The following EIF2B2 variants were observed in gnomAD, a reference collection of about 807,000 sequenced individuals.
The protein encoded by EIF2B2 is translation initiation factor eIF2B subunit beta.
A neutral mutation model predicts 34.7 loss-of-function variants in EIF2B2; 34 were observed. The observed-to-expected ratio is 0.98, with a 90% CI of 0.75 to 1.31. EIF2B2 has a LOEUF of 1.31. EIF2B2 is among the 50% of genes most tolerant of loss of function. The pLI, the probability that EIF2B2 is intolerant of heterozygous loss-of-function variation, is 0.00. For synonymous variants in EIF2B2, 155 were observed against 171.6 expected, an observed-to-expected ratio of 0.90 and a Z score of 0.76; for missense variants, 361 against 447.7, an observed-to-expected ratio of 0.81 and a Z score of 1.75.
intron 4 of EIF2B2, among the ~76,000 whole-genome samples, chr14:75,005,603 T>C (rs1284533323): frequency 6.6e-6 from 1 of 152,218 alleles, no homozygotes; most frequent in East Asian, 1.9e-4. Context: ...ATATTATACA[T>C]GCATGTTGTA....
intron 4 of EIF2B2, 176 bp downstream of exon 4, chr14:75,005,076 T>C: frequency 2.8e-6 from 2 of 710,582 alleles, no homozygotes; most frequent in Non-Finnish European, 4.7e-6. Flanking sequence ...CATTCATAAA[T>C]AGTGGTTTAA....
chr14:75,004,007 ACCT>A (rs541975449), intron 3 of EIF2B2, among the ~76,000 whole-genome samples: 1 of 152,018 alleles, frequency 6.6e-6, no homozygotes, highest in Non-Finnish European at 1.5e-5. Context: ...AGGTCGATAG[ACCT>A]CCTTCACTAT....
chr14:75,006,074 A>C lies in EIF2B2; in HGVS notation c.693+113A>C. 1 of 893,498 alleles carries C rather than the reference A, an allele frequency of 1.1e-6. No individual in the cohort carries two copies. Among genetic ancestry groups the C allele is most frequent in the East Asian group, 2.5e-5 (1 of 39,712 alleles). The allele number at this position is 893,498 out of a possible 1,614,324, so 55.3% of individuals were successfully genotyped here. On this transcript the variant is annotated intron_variant, in intron 5 of 7. Transcript: ENST00000266126. This position sits in a 1 kb window ranked among gnomAD's most constrained non-coding sequence, Gnocchi z 4.1. ...GAGAATAAAGTTTCTAGCACCTTTCAAAGTACATACTTAGGCCTTTTTAAT... is the reference window on the plus strand; with the variant it reads ...GAGAATAAAGTTTCTAGCACCTTTCCAAGTACATACTTAGGCCTTTTTAAT...
intron 3 of EIF2B2, 46 bp from the exon 4 acceptor site, chr14:75,004,691 T>TATATATATATATATATA (rs1566872954): frequency 1.6e-5 from 1 of 60,686 alleles, no homozygotes; most frequent in African/African-American, 2.8e-4. Context: ...ATATATATAT[T>TATATATATATATATATA]TTTTTTTTTT....
chr14:75,003,745 T>A (rs780945717), intron 3 of EIF2B2, 46 bp downstream of exon 3: 51 of 1,612,342 alleles, frequency 3.2e-5, no homozygotes, highest in Non-Finnish European at 2.7e-5. Flanking sequence ...CACAGGCACA[T>A]AAGGGAACAG....
At position 75,009,847 on chromosome 14, in the gene EIF2B2, T is replaced by A. The variant is rs1889681739; in HGVS notation, c.*659T>A. The A allele has an allele frequency of 6.5e-6, 1 of 153,694 alleles. No homozygotes were observed. Among genetic ancestry groups the A allele is most frequent in the East Asian group, 1.9e-4 (1 of 5,210 alleles). 9.5% of individuals were successfully genotyped at this position (153,694 alleles called of 1,614,324 possible). A position where few individuals can be genotyped will look rare whatever the true frequency, so the allele number is the denominator to read the frequency against. Reference sequence around the variant, plus strand: ...GCAAGATCCTGTCTCTACAAAAAAATATTTTAAAAAATTAGCCAGACATGG... The same window carrying A: ...GCAAGATCCTGTCTCTACAAAAAAAAATTTTAAAAAATTAGCCAGACATGG... On this transcript the variant is annotated 3_prime_UTR_variant, in exon 8 of 8. Coordinates refer to ENST00000266126, the MANE Select transcript of EIF2B2 (RefSeq NM_014239.4).
intron 7 of EIF2B2, among the ~76,000 whole-genome samples, chr14:75,008,742 G>T (rs1889662772): frequency 6.6e-6 from 1 of 152,212 alleles, no homozygotes; most frequent in Non-Finnish European, 1.5e-5. Context: ...TAATGAGCAA[G>T]GGGGAGAGTG....
chr14:75,003,152 G>C lies in EIF2B2; in HGVS notation c.162G>C (p.Ala54=), dbSNP rs761260701. 25 of 1,613,216 alleles carry C rather than the reference G, an allele frequency of 1.5e-5. No homozygotes were observed. The highest frequency in any genetic ancestry group is 2.2e-5 in the South Asian group (2 of 91,074). Residue 54 remains alanine (A), a splice_region_variant and synonymous_variant, in exon 1 of 8, where the codon GCG becomes GCC. Transcript: ENST00000266126. ...QIITDHRWSN[A]GELMELIRRE... ...TCACGGACCACCGCTGGAGCAACGCGGGTGAGGCCGGCCTGCCTCCGCCGG... is the reference window on the plus strand; with the variant it reads ...TCACGGACCACCGCTGGAGCAACGCCGGTGAGGCCGGCCTGCCTCCGCCGG...
rs1194391603 is a variant in EIF2B2 at position 75,003,690 on chromosome 14, G to A, written c.424G>A (p.Val142Met). The change falls in exon 3 of 8, where the codon GTG (valine) becomes ATG (methionine). Residue 142 changes from valine to methionine, a missense_variant. By Grantham distance (21) the Val-to-Met change is conservative. Transcript: ENST00000266126. ...CATTGAGGCGATTAATGAGCTGCTA[G>A]TGGAGCTGGGTAAGAGGCCTGATCG... ...NIIEAINELL[V>M]ELEGTMENIA... 1 of 1,614,204 alleles carries A rather than the reference G, an allele frequency of 6.2e-7. No individual in the cohort carries two copies.
Position 75,011,915 on chromosome 14 carries a change from AT to A in EIF2B2, c.*2729del, listed in dbSNP as rs774715090. ...GTCCATCTTAGTCTCTGTGTCTAAA[AT>A]TAGCACCAACATCCTTCCCAGGCAT... is the stretch of plus-strand genomic sequence containing the variant. On this transcript the variant is annotated 3_prime_UTR_variant, in exon 8 of 8. Coordinates refer to ENST00000266126, the MANE Select transcript of EIF2B2 (RefSeq NM_014239.4). 4 of 152,250 alleles carry A rather than the reference AT, an allele frequency of 2.6e-5. No individual in the cohort carries two copies. Among genetic ancestry groups the A allele is most frequent in the Non-Finnish European group, 5.9e-5 (4 of 68,046 alleles). 9.4% of individuals were successfully genotyped at this position (152,250 alleles called of 1,614,324 possible). A position where few individuals can be genotyped will look rare whatever the true frequency, so the allele number is the denominator to read the frequency against.
At chr14:75,007,109 A>G (rs1322127484) in intron 6 of EIF2B2, 3 of 465,724 alleles carry the variant, frequency 6.4e-6, no homozygotes, top group African/African-American at 4.0e-5. Flanking sequence ...GTGAAGAGCC[A>G]TTTCATCAGT....
At position 75,006,229 on chromosome 14, in the gene EIF2B2, G is replaced by A; in HGVS notation, c.693+268G>A. 1.9e-6 allele frequency: 1 copy of A among 519,260 alleles called. No individual in the cohort carries two copies. The highest frequency in any genetic ancestry group is 2.1e-5 in the South Asian group (1 of 48,072). 32.2% of individuals were successfully genotyped at this position (519,260 alleles called of 1,614,324 possible). A position where few individuals can be genotyped will look rare whatever the true frequency, so the allele number is the denominator to read the frequency against. ...ACTAAGGCAAGAGTGTCAGTTTCTA[G>A]GGATTGGCTACAGGGCTCCTGCCTT... On this transcript the variant is annotated intron_variant, in intron 5 of 7. Coordinates refer to ENST00000266126, the MANE Select transcript of EIF2B2 (RefSeq NM_014239.4). The surrounding 1 kb of genome is among the most constrained non-coding windows in gnomAD (Gnocchi z 4.1).
At chr14:75,005,700 C>A in intron 4 of EIF2B2, 166 bp from the exon 5 acceptor site, 1 of 615,434 alleles carries the variant, frequency 1.6e-6, no homozygotes, top group South Asian at 1.5e-5. Flanking sequence ...CTTACCAGAG[C>A]TATGAGAGTC....
Position 75,006,585 on chromosome 14 carries a change from T to C in EIF2B2, c.702T>C (p.Ile234=). ...TTTGTCTTGTCCCAAAGGTGATCATTGGCACGAAGACCATCCTGGCCAATG... is the reference window on the plus strand; with the variant it reads ...TTTGTCTTGTCCCAAAGGTGATCATCGGCACGAAGACCATCCTGGCCAATG... ...AVMSRVNKVI[I]GTKTILANGA... Residue 234 remains isoleucine (I), a synonymous_variant, in exon 6 of 8, where the codon ATT becomes ATC. Coordinates refer to ENST00000266126, the MANE Select transcript of EIF2B2 (RefSeq NM_014239.4). This position sits in a 1 kb window ranked among gnomAD's most constrained non-coding sequence, Gnocchi z 4.1. 6.2e-7 allele frequency: 1 copy of C among 1,614,076 alleles called. No homozygotes were observed. The highest frequency in any genetic ancestry group is 8.5e-7 in the Non-Finnish European group (1 of 1,180,036).
In EIF2B2 at chr14:75,003,673, CG is replaced by C. The variant is rs1566872598; in HGVS notation, c.408del (p.Ile137LeufsTer5). The C allele has an allele frequency of 2.5e-6, 4 of 1,614,112 alleles. No homozygotes were observed. The highest frequency in any genetic ancestry group is 3.4e-6 in the Non-Finnish European group (4 of 1,180,014). The stretch of plus-strand genomic sequence containing the variant: ...CAACTCCAGTCCAACATCATTGAGG[CG>C]ATTAATGAGCTGCTAGTGGAGCTGG... ...YAQLQSNIIE[A>X]INELLVELEG... On this transcript the variant is annotated frameshift_variant, in exon 3 of 8. Transcript: ENST00000266126. LOFTEE classifies it high-confidence loss of function.
rs1021051962 is a variant in EIF2B2, at chr14:75,008,974, T to G, written c.899-57T>G. 4.2e-5 allele frequency: 68 copies of G among 1,611,510 alleles called. No individual in the cohort carries two copies. In the South Asian group the frequency reaches 7.1e-4, roughly 17 times the overall value. ...CTCGAGCCTGGAATCTATATGCTACTTAATTATGAGAGAGGGAGCCTCAGT... is the reference window on the plus strand; with the variant it reads ...CTCGAGCCTGGAATCTATATGCTACGTAATTATGAGAGAGGGAGCCTCAGT... On this transcript the variant is annotated intron_variant, in intron 7 of 7. Coordinates refer to ENST00000266126, the MANE Select transcript of EIF2B2 (RefSeq NM_014239.4).
chr14:75,006,049 G>A lies in EIF2B2; in HGVS notation c.693+88G>A. ...TCTCCTCCTGTAATATCCACGGTGA[G>A]AGAATAAAGTTTCTAGCACCTTTCA... On this transcript the variant is annotated intron_variant, in intron 5 of 7. Coordinates refer to ENST00000266126, the MANE Select transcript of EIF2B2 (RefSeq NM_014239.4). This position sits in a 1 kb window ranked among gnomAD's most constrained non-coding sequence, Gnocchi z 4.1. 9.1e-7 allele frequency: 1 copy of A among 1,102,122 alleles called. No individual in the cohort carries two copies. The highest frequency in any genetic ancestry group is 2.4e-5 in the East Asian group (1 of 41,310). The allele number at this position is 1,102,122 out of a possible 1,614,324, so 68.3% of individuals were successfully genotyped here.
In EIF2B2 at chr14:75,006,014, T is replaced by C. The variant is rs1595009734; in HGVS notation, c.693+53T>C. On this transcript the variant is annotated intron_variant, in intron 5 of 7. Coordinates refer to ENST00000266126, the MANE Select transcript of EIF2B2 (RefSeq NM_014239.4). This position sits in a 1 kb window ranked among gnomAD's most constrained non-coding sequence, Gnocchi z 4.1. ...TCATGAAGATTATGTTTCTAAAATA[T>C]TGATTTTTATCTCCTCCTGTAATAT... 3 of 1,439,864 alleles carry C rather than the reference T, an allele frequency of 2.1e-6. No homozygotes were observed. The highest frequency in any genetic ancestry group is 2.3e-5 in the East Asian group (1 of 43,662). 89.2% of individuals were successfully genotyped at this position (1,439,864 alleles called of 1,614,324 possible).
At chr14:75,008,177 TC>T (rs1889654956) in intron 7 of EIF2B2, 1 of 284,046 alleles carries the variant, frequency 3.5e-6, no homozygotes, top group Non-Finnish European at 6.8e-6. Context: ...TGTGAAATGT[TC>T]CTCCTTAGAA....
Sources: gnomAD v4.1 joint callset for allele counts (sites outside exome capture counted in the v4.1 genomes callset) on GRCh38, gnomAD v4.1.1 for gene constraint, Gnocchi (gnomAD v3.1) non-coding constraint, MANE v1.5 for transcripts, NCBI Gene and HGNC (gene_info 2026-07-23, HGNC 2026-07-21) for gene names.